The following LPP variants were observed in gnomAD, a reference collection of about 807,000 sequenced individuals.
The protein encoded by LPP is LIM domain containing preferred translocation partner in lipoma, also known as lipoma-preferred partner.
LPP carries 38 observed loss-of-function variants against 60.4 expected under a neutral mutation model. That is an observed-to-expected ratio of 0.63 (90% confidence interval 0.49 to 0.83). The LOEUF (loss-of-function observed/expected upper bound fraction) is 0.83. LPP is among the 40% of genes least tolerant of loss of function. The pLI is 0.00. For synonymous variants in LPP, 328 were observed against 290.8 expected (o/e 1.13, Z -1.30); for missense variants, 902 against 783.6 (o/e 1.15, Z -1.80).
chr3:188,221,326 G>A (rs1715696070), intron 1 of LPP, among the ~76,000 whole-genome samples: 1 of 152,182 alleles, frequency 6.6e-6, no homozygotes, highest in Non-Finnish European at 1.5e-5. Flanking sequence ...GACGTTGCAT[G>A]TACTCGTGCT....
intron 7 of LPP, among the ~76,000 whole-genome samples, chr3:188,652,585 T>G (rs1464969749): frequency 6.6e-6 from 1 of 152,164 alleles, no homozygotes; most frequent in East Asian, 1.9e-4. Flanking sequence ...CAATTCTAAA[T>G]TCTGGGGAAT....
At chr3:188,731,016 C>T (rs1306866019) in intron 8 of LPP, among the ~76,000 whole-genome samples, 1 of 152,198 alleles carries the variant, frequency 6.6e-6, no homozygotes, top group Non-Finnish European at 1.5e-5. Context: ...ACCTCACATA[C>T]TCTTCCTATC....
intron 6 of LPP, among the ~76,000 whole-genome samples, chr3:188,564,929 G>T (rs1831753330): frequency 6.6e-6 from 1 of 151,908 alleles, no homozygotes; most frequent in African/African-American, 2.4e-5. Flanking sequence ...GTTATATGAT[G>T]TCCTCCTGCC....
chr3:188,582,154 CTTTTTTTTTTTT>C (rs10565240), intron 6 of LPP, among the ~76,000 whole-genome samples: 1,239 of 102,284 alleles, frequency 0.012, 17 homozygotes, highest in Non-Finnish European at 0.015. Flanking sequence ...TTTTCTTTTT[CTTTTTTTTTTTT>C]TTTTTTTTTT....
intron 11 of LPP, 48 bp downstream of exon 11, chr3:188,872,811 G>C (rs778946964): frequency 1.6e-5 from 25 of 1,611,306 alleles, no homozygotes; most frequent in Non-Finnish European, 2.0e-5. Context: ...GCGTTGAAAG[G>C]CTCGTTCGAG....
At chr3:188,725,171 C>T (rs927294524) in intron 8 of LPP, 1 of 152,120 alleles carries the variant, frequency 6.6e-6, no homozygotes, top group Non-Finnish European at 1.5e-5. Context: ...AGAAAAGTTT[C>T]GTTGTGCCTC....
intron 9 of LPP, among the ~76,000 whole-genome samples, chr3:188,843,975 T>A (rs1760815419): frequency 6.6e-6 from 1 of 152,092 alleles, no homozygotes; most frequent in African/African-American, 2.4e-5. Context: ...AAATATTGTC[T>A]AAAGAGCTTG....
intron 1 of LPP, among the ~76,000 whole-genome samples, chr3:188,220,608 G>A (rs567573449): frequency 6.6e-6 from 1 of 152,318 alleles, no homozygotes; most frequent in Non-Finnish European, 1.5e-5. Context: ...AAGCTGGGTA[G>A]GCCTCTGGCT....
At chr3:188,177,579 A>G (rs1223140891) in intron 1 of LPP, among the ~76,000 whole-genome samples, 1 of 152,036 alleles carries the variant, frequency 6.6e-6, no homozygotes, top group Non-Finnish European at 1.5e-5. Context: ...AGGCCTGGCT[A>G]GGAGTTGGAG....
At chr3:188,772,811 G>A (rs1272570499) in intron 9 of LPP, among the ~76,000 whole-genome samples, 1 of 152,056 alleles carries the variant, frequency 6.6e-6, no homozygotes, top group Admixed American at 6.6e-5. Context: ...TGATAGTGAG[G>A]GGGATTTGGG....
intron 8 of LPP, among the ~76,000 whole-genome samples, chr3:188,753,695 T>C (rs1421654847): frequency 6.6e-6 from 1 of 152,138 alleles, no homozygotes. Context: ...AATGTGACTG[T>C]CTCCGAAACT....
At chr3:188,277,703 A>C (rs9830100) in intron 2 of LPP, among the ~76,000 whole-genome samples, 6,686 of 152,254 alleles carry the variant, frequency 0.044, 322 homozygotes, top group African/African-American at 0.11. Context: ...CCCTCCTAAG[A>C]AAACTCATTC....
At chr3:188,314,552 A>G (rs1305337722) in intron 2 of LPP, among the ~76,000 whole-genome samples, 1 of 152,046 alleles carries the variant, frequency 6.6e-6, no homozygotes, top group Admixed American at 6.6e-5. Context: ...TTAATATATT[A>G]ATGATCTGTG....
intron 2 of LPP, among the ~76,000 whole-genome samples, chr3:188,297,958 A>G (rs1454722252): frequency 2.0e-5 from 3 of 152,208 alleles, no homozygotes; most frequent in Non-Finnish European, 4.4e-5. Context: ...ATTTTCTCCA[A>G]TGGGAAGTTT....
chr3:188,698,199 C>A (rs936919260), intron 7 of LPP, among the ~76,000 whole-genome samples: 1 of 152,086 alleles, frequency 6.6e-6, no homozygotes, highest in Admixed American at 6.5e-5. Context: ...GGAGTCACTG[C>A]CAGGCATGTG....
chr3:188,259,370 T>G (rs1732791572), intron 2 of LPP, among the ~76,000 whole-genome samples: 1 of 152,146 alleles, frequency 6.6e-6, no homozygotes, highest in Non-Finnish European at 1.5e-5. Context: ...CTCTTTACCA[T>G]TCTTGGGCAC....
intron 9 of LPP, among the ~76,000 whole-genome samples, chr3:188,837,001 C>G (rs1027104089): frequency 2.0e-5 from 3 of 152,106 alleles, no homozygotes; most frequent in African/African-American, 4.8e-5. Flanking sequence ...GTGCCTTCAT[C>G]AAGATATTGT....
intron 7 of LPP, among the ~76,000 whole-genome samples, chr3:188,676,342 A>G (rs543073792): frequency 2.0e-5 from 3 of 152,168 alleles, no homozygotes; most frequent in Non-Finnish European, 2.9e-5. Flanking sequence ...AGTGTTTTCA[A>G]TAGTCTACTC....
At chr3:188,566,350 A>C (rs1449058148) in intron 6 of LPP, among the ~76,000 whole-genome samples, 5 of 152,076 alleles carry the variant, frequency 3.3e-5, no homozygotes, top group Admixed American at 2.6e-4. Context: ...TACATAAAAT[A>C]ATATTGTTTT....
Sources: gnomAD v4.1 joint callset for allele counts (sites outside exome capture counted in the v4.1 genomes callset) on GRCh38, gnomAD v4.1.1 for gene constraint, MANE v1.5 for transcripts, NCBI Gene and HGNC (gene_info 2026-07-23, HGNC 2026-07-21) for gene names.